Variants in MYH15 observed in about 807,000 individuals in gnomAD.
MYH15 encodes the protein myosin-15.
Under a neutral mutation model 240.5 loss-of-function variants are expected in MYH15, and 227 were observed. The ratio of observed to expected loss-of-function variants is 0.94; its 90% CI spans 0.85 to 1.05. The LOEUF (loss-of-function observed/expected upper bound fraction) is 1.05. Ranked by LOEUF, MYH15 falls within the 50% of genes least tolerant of loss-of-function variation. The pLI is 0.00. For synonymous variants in MYH15, 785 were observed against 796.7 expected, an observed-to-expected ratio of 0.99 and a Z score of 0.25; for missense variants, 2,217 against 2,247.5, an observed-to-expected ratio of 0.99 and a Z score of 0.27.
chr3:108,486,927 A>G (rs1448167884), intron 9 of MYH15, among the ~76,000 whole-genome samples: 1 of 152,250 alleles, frequency 6.6e-6, no homozygotes, highest in Non-Finnish European at 1.5e-5. Context: ...TAAAATTATA[A>G]GTAGAACAGA....
chr3:108,502,321 C>G (rs1239643314), intron 2 of MYH15, among the ~76,000 whole-genome samples: 1 of 152,166 alleles, frequency 6.6e-6, no homozygotes, highest in Non-Finnish European at 1.5e-5. Context: ...ACTACTCCAG[C>G]TTATTAGTTT....
At chr3:108,398,910 G>T in intron 34 of MYH15, 70 bp from the exon 35 acceptor site, 1 of 1,493,780 alleles carries the variant, frequency 6.7e-7, no homozygotes, top group South Asian at 1.1e-5. Context: ...ACCTACACAT[G>T]CATGATCTGA....
intron 38 of MYH15, among the ~76,000 whole-genome samples, chr3:108,387,469 A>G (rs78655172): frequency 0.02 from 3,020 of 152,322 alleles, 85 homozygotes; most frequent in African/African-American, 0.063. Flanking sequence ...GATTATTACA[A>G]TGAAGAAACA....
At chr3:108,476,660 A>G (rs1053714203) in intron 11 of MYH15, 145 bp from the exon 12 acceptor site, 16 of 527,986 alleles carry the variant, frequency 3.0e-5, no homozygotes, top group African/African-American at 2.5e-4. Flanking sequence ...TTTCAAATAA[A>G]TGCCTGAATC....
chr3:108,503,897 C>A (rs1055464514), intron 2 of MYH15, among the ~76,000 whole-genome samples: 1 of 152,110 alleles, frequency 6.6e-6, no homozygotes, highest in East Asian at 1.9e-4. Flanking sequence ...TACAAACAAC[C>A]CAGTGACAAT....
intron 7 of MYH15, among the ~76,000 whole-genome samples, chr3:108,494,596 C>T (rs79997562): frequency 0.041 from 6,168 of 152,144 alleles, 399 homozygotes; most frequent in African/African-American, 0.14. Context: ...TGGGTTCAGG[C>T]CATCCTTCAG....
At chr3:108,505,957 C>G (rs529378081) in intron 1 of MYH15, 128 bp from the exon 2 acceptor site, 2 of 558,226 alleles carry the variant, frequency 3.6e-6, no homozygotes, top group East Asian at 6.1e-5. Context: ...CAGGAACTTG[C>G]AAAGTCAGAT....
At position 108,492,556 on chromosome 3, in the gene MYH15, C is replaced by G. The variant is rs765759935; in HGVS notation, c.815G>C (p.Gly272Ala). The G allele has an allele frequency of 1.2e-6, 2 of 1,613,684 alleles. No individual in the cohort carries two copies. Among genetic ancestry groups the G allele is most frequent in the South Asian group, 1.1e-5 (1 of 91,020 alleles). The part of the protein sequence containing the change: ...EKSRVIFQQA[G>A]ERNYHIFYQI... ...ATAGAATATGTGGTAGTTCCTCTCT[C>G]CAGCCTGCTGGAAAATCACCCTGGA... The change falls in exon 9 of 41, where the codon GGA (glycine) becomes GCA (alanine). Residue 272 changes from glycine to alanine, a missense_variant. By Grantham distance (60) the Gly-to-Ala change is moderately conservative. Transcript: ENST00000693548.
intron 25 of MYH15, among the ~76,000 whole-genome samples, chr3:108,431,138 A>G (rs1219161244): frequency 2.0e-5 from 3 of 152,248 alleles, no homozygotes; most frequent in South Asian, 4.1e-4. Flanking sequence ...CAATAAAAAA[A>G]CACAACCAGG....
rs772012997 is a variant in MYH15, at chr3:108,456,839, C to T, written c.2065G>A (p.Gly689Ser). 1 of 1,613,558 alleles carries T rather than the reference C, an allele frequency of 6.2e-7. No individual in the cohort carries two copies. Among genetic ancestry groups the T allele is most frequent in the Non-Finnish European group, 8.5e-7 (1 of 1,179,712 alleles). The change falls in exon 19 of 41, where the codon GGT (glycine) becomes AGT (serine). Residue 689 changes from glycine (G) to serine (S), a missense_variant. Transcript: ENST00000693548. The part of the protein sequence containing the change: ...YLVLQQLRCN[G>S]VLEGTRICRE... ...CATATCCTAGTCCCTTCCAAGACACCATTACAGCGCAACTGCTGTAGAACC... is the reference window on the plus strand; with the variant it reads ...CATATCCTAGTCCCTTCCAAGACACTATTACAGCGCAACTGCTGTAGAACC...
chr3:108,381,533 A>C lies in MYH15; in HGVS notation c.*12T>G. 6.2e-7 allele frequency: 1 copy of C among 1,613,784 alleles called. No homozygotes were observed. Among genetic ancestry groups the C allele is most frequent in the Non-Finnish European group, 8.5e-7 (1 of 1,179,696 alleles). On this transcript the variant is annotated 3_prime_UTR_variant, in exon 41 of 41. Transcript: ENST00000693548. ...TACTTCTCCAGCTGTTGTCCTTTCA[A>C]AGCAGGGGATGCTATTCTTCTTGAA...
intron 21 of MYH15, among the ~76,000 whole-genome samples, chr3:108,451,380 A>C (rs1283648095): frequency 2.0e-5 from 3 of 152,146 alleles, no homozygotes; most frequent in Non-Finnish European, 4.4e-5. Flanking sequence ...ACTCTGTCTC[A>C]AAAAATAAAA....
rs766172799 is a variant in MYH15, at chr3:108,505,745, A to G, written c.173T>C (p.Ile58Thr). ...TACCTCTCCATCTGCTGTCTCAACA[A>G]TTACTGTTCCATCATCTTCACTCCC... ...VKGSEDDGTV[I>T]VETADGESLS... The change falls in exon 2 of 41, where the codon ATT (isoleucine) becomes ACT (threonine). Residue 58 changes from isoleucine to threonine, a missense_variant. Coordinates refer to ENST00000693548, the MANE Select transcript of MYH15 (RefSeq NM_014981.3). 1 of 1,611,694 alleles carries G rather than the reference A, an allele frequency of 6.2e-7. No individual in the cohort carries two copies. Among genetic ancestry groups the G allele is most frequent in the Admixed American group, 1.7e-5 (1 of 59,840 alleles).
At chr3:108,431,037 T>C in intron 25 of MYH15, 115 bp from the exon 26 acceptor site, 1 of 723,752 alleles carries the variant, frequency 1.4e-6, no homozygotes, top group Non-Finnish European at 2.3e-6. Flanking sequence ...AGGTGATAGA[T>C]ATCCCAATTA....
chr3:108,516,120 T>C (rs910290131), intron 1 of MYH15, among the ~76,000 whole-genome samples: 6 of 152,180 alleles, frequency 3.9e-5, no homozygotes, highest in African/African-American at 1.4e-4. Context: ...ATGAAGTAAA[T>C]TGTTAAAAGA....
chr3:108,549,832 T>G, the MYH15 span: 1 of 152,144 alleles, frequency 6.6e-6, no homozygotes, highest in Admixed American at 6.6e-5. Flanking sequence ...TTTTGGTTCA[T>G]TCATTCATTT....
chr3:108,476,535 G>A lies in MYH15; in HGVS notation c.1115-20C>T. 6.8e-7 allele frequency: 1 copy of A among 1,467,356 alleles called. No individual in the cohort carries two copies. The highest frequency in any genetic ancestry group is 9.6e-7 in the Non-Finnish European group (1 of 1,046,988). The allele number at this position is 1,467,356 out of a possible 1,614,324, so 90.9% of individuals were successfully genotyped here. On this transcript the variant is annotated intron_variant, in intron 11 of 40. Coordinates refer to ENST00000693548, the MANE Select transcript of MYH15 (RefSeq NM_014981.3). ...CAGCATCTGGTCATCAGAAATAGAA[G>A]AAAAGGAAGGAGAGAGGAAAACACT... is the stretch of plus-strand genomic sequence containing the variant.
At chr3:108,530,001 G>T (rs1414337129), upstream of MYH15, among the ~76,000 whole-genome samples, 6 of 152,158 alleles carry the variant, frequency 3.9e-5, no homozygotes, top group Non-Finnish European at 1.5e-5. Context: ...TGTGTATGAG[G>T]AAAGGACCAC....
rs77622970 is a variant in MYH15, at chr3:108,449,709, A to G, written c.2399+4297T>C. ...TAATGTGACCCCAAAATCAAAGGCA[A>G]CACAAGCAAAAATAGACAATGGGAT... On this transcript the variant is annotated intron_variant, in intron 21 of 40. Coordinates refer to ENST00000693548, the MANE Select transcript of MYH15 (RefSeq NM_014981.3). 5.7e-3 allele frequency among the ~76,000 whole-genome samples: 875 copies of G among 152,224 alleles called. 8 individuals are homozygous for G. Among genetic ancestry groups the G allele is most frequent in the African/African-American group, 0.019 (810 of 41,556 alleles).
Sources: gnomAD v4.1 joint callset for allele counts (sites outside exome capture counted in the v4.1 genomes callset) on GRCh38, gnomAD v4.1.1 for gene constraint, MANE v1.5 for transcripts, NCBI Gene and HGNC (gene_info 2026-07-23, HGNC 2026-07-21) for gene names.